ABHD2: variants seen among roughly 807,000 people sequenced by gnomAD.
ABHD2 encodes monoacylglycerol lipase ABHD2.
In ABHD2, 20 loss-of-function variants were observed where a neutral mutation model predicts 48.1. The ratio of observed to expected loss-of-function variants is 0.42; its 90% CI spans 0.29 to 0.60. ABHD2 has a LOEUF of 0.60. Among genes scored for constraint, ABHD2 ranks in the 20% least tolerant of loss-of-function variants. The pLI is 0.24. For missense variants in ABHD2, 405 were observed against 550.9 expected (o/e 0.74, Z 2.65); for synonymous variants, 209 against 214.2 (o/e 0.98, Z 0.21).
intron 1 of ABHD2, among the ~76,000 whole-genome samples, chr15:89,099,010 C>T (rs1439217351): frequency 6.6e-6 from 1 of 152,208 alleles, no homozygotes; most frequent in East Asian, 1.9e-4. Context: ...CCTTGCTTCT[C>T]TGTATTCCTA....
chr15:89,071,898 C>T, the ABHD2 span, among the ~76,000 whole-genome samples: 4 of 152,184 alleles, frequency 2.6e-5, no homozygotes, highest in African/African-American at 9.7e-5. Flanking sequence ...GGAAGTGGTG[C>T]ATGCCACTTT....
At chr15:89,075,908 A>G in the ABHD2 span, among the ~76,000 whole-genome samples, 6 of 152,234 alleles carry the variant, frequency 3.9e-5, no homozygotes, top group African/African-American at 1.4e-4. The surrounding 1 kb of genome is among the most constrained non-coding windows in gnomAD (Gnocchi z 4.1). Context: ...AGCTACCAAG[A>G]TGTCAAGTAA....
chr15:89,042,312 A>G, the ABHD2 span, among the ~76,000 whole-genome samples: 1 of 152,288 alleles, frequency 6.6e-6, no homozygotes, highest in South Asian at 2.1e-4. Flanking sequence ...CCATAACACT[A>G]TAGTCTTGCT....
intron 3 of ABHD2, among the ~76,000 whole-genome samples, chr15:89,139,756 T>G (rs1319522339): frequency 6.6e-6 from 1 of 152,152 alleles, no homozygotes; most frequent in East Asian, 1.9e-4. Context: ...AAAATTTGCT[T>G]TTCTTCCCTT....
intron 3 of ABHD2, among the ~76,000 whole-genome samples, chr15:89,128,091 A>G (rs1050392726): frequency 6.6e-6 from 1 of 152,180 alleles, no homozygotes; most frequent in African/African-American, 2.4e-5. Flanking sequence ...CTTCTTGTAG[A>G]GTCAGTACAC....
At chr15:89,105,592 G>A (rs930923196) in intron 1 of ABHD2, among the ~76,000 whole-genome samples, 3 of 152,248 alleles carry the variant, frequency 2.0e-5, no homozygotes, top group Non-Finnish European at 4.4e-5. Context: ...AATCCCTCCA[G>A]TTCTCTTCTA....
At position 89,195,645 on chromosome 15, in the gene ABHD2, C is replaced by T. The variant is rs1212581647; in HGVS notation, c.*222C>T. On this transcript the variant is annotated 3_prime_UTR_variant, in exon 11 of 11. Coordinates refer to ENST00000352732, the MANE Select transcript of ABHD2 (RefSeq NM_152924.5). The surrounding 1 kb of genome is among the most constrained non-coding windows in gnomAD (Gnocchi z 5.1). ...TGGTTTTCTCCATTGCATTGTTAGG[C>T]ATGGTGACAAGTGACAGAGTTCTTG... 4.1e-6 allele frequency: 2 copies of T among 489,406 alleles called. No individual in the cohort carries two copies. The highest frequency in any genetic ancestry group is 7.2e-6 in the Non-Finnish European group (2 of 277,632). The allele number at this position is 489,406 out of a possible 1,614,324, so 30.3% of individuals were successfully genotyped here.
intron 3 of ABHD2, among the ~76,000 whole-genome samples, chr15:89,127,893 T>C (rs575292874): frequency 6.6e-6 from 1 of 152,126 alleles, no homozygotes; most frequent in East Asian, 1.9e-4. Context: ...CCTCAGGCCT[T>C]CTCAAATCGT....
rs1442703588 is a variant in ABHD2 at position 89,092,777 on chromosome 15, A to C, written c.-107+4214A>C. ...TTTGGAACCTTGCCTTTTTCACTTA[A>C]TATTTCTTGGCAGTGTGAAAAGAGC... is the stretch of plus-strand genomic sequence containing the variant. On this transcript the variant is annotated intron_variant, in intron 1 of 10. Transcript: ENST00000352732. The surrounding 1 kb of genome is among the most constrained non-coding windows in gnomAD (Gnocchi z 4.4). 6.6e-6 allele frequency among the ~76,000 whole-genome samples: 1 copy of C among 152,198 alleles called. No homozygotes were observed. Among genetic ancestry groups the C allele is most frequent in the Non-Finnish European group, 1.5e-5 (1 of 68,034 alleles).
chr15:89,098,622 A>G (rs2049652048), intron 1 of ABHD2, among the ~76,000 whole-genome samples: 1 of 152,224 alleles, frequency 6.6e-6, no homozygotes, highest in African/African-American at 2.4e-5. Context: ...TCATGTAAAT[A>G]AAGTGCTTGC....
At chr15:89,152,471 T>A (rs540245505) in intron 4 of ABHD2, among the ~76,000 whole-genome samples, 1 of 152,324 alleles carries the variant, frequency 6.6e-6, no homozygotes, top group East Asian at 1.9e-4. Context: ...GGACCAGGCC[T>A]CTGGGTTGAT....
the ABHD2 span, among the ~76,000 whole-genome samples, chr15:89,060,774 C>T: frequency 6.6e-6 from 1 of 152,160 alleles, no homozygotes; most frequent in African/African-American, 2.4e-5. Context: ...TCCATCATCT[C>T]ACTACCCAGA....
At position 89,092,417 on chromosome 15, in the gene ABHD2, AGTTTG is replaced by A. The variant is rs1194169119; in HGVS notation, c.-107+3860_-107+3864del. Among the ~76,000 whole-genome samples, 1 of 152,350 alleles carries A rather than the reference AGTTTG, an allele frequency of 6.6e-6. No homozygotes were observed. The highest frequency in any genetic ancestry group is 1.9e-4 in the East Asian group (1 of 5,192). ...ACACAGTTGACAAGATTAACAAATT[AGTTTG>A]GTTTGTTGCTTAAAAACTATTTTGT... On this transcript the variant is annotated intron_variant, in intron 1 of 10. Transcript: ENST00000352732. This position sits in a 1 kb window ranked among gnomAD's most constrained non-coding sequence, Gnocchi z 4.4.
Position 89,114,974 on chromosome 15 carries a change from C to T in ABHD2, c.-7+1150C>T, listed in dbSNP as rs905582372. ...TTCATTACTGAATTAGGAATCCCTG[C>T]CAGAGATTTTCTGCCAAAGTGACCT... On this transcript the variant is annotated intron_variant, in intron 2 of 10. Coordinates refer to ENST00000352732, the MANE Select transcript of ABHD2 (RefSeq NM_152924.5). This position sits in a 1 kb window ranked among gnomAD's most constrained non-coding sequence, Gnocchi z 4.2. Among the ~76,000 whole-genome samples, 1 of 152,192 alleles carries T rather than the reference C, an allele frequency of 6.6e-6. No homozygotes were observed. Among genetic ancestry groups the T allele is most frequent in the African/African-American group, 2.4e-5 (1 of 41,446 alleles).
chr15:89,089,592 A>T (rs1302701206), intron 1 of ABHD2, among the ~76,000 whole-genome samples: 2 of 152,170 alleles, frequency 1.3e-5, no homozygotes, highest in Non-Finnish European at 2.9e-5. Context: ...CCAAATCCAA[A>T]GGCATGTTCC....
the ABHD2 span, among the ~76,000 whole-genome samples, chr15:89,064,191 T>A: frequency 6.6e-6 from 1 of 151,564 alleles, no homozygotes; most frequent in East Asian, 1.9e-4. Context: ...TTCCTTTCTT[T>A]GTATGTATTT....
intron 1 of ABHD2, among the ~76,000 whole-genome samples, chr15:89,090,018 G>A (rs758181288): frequency 1.3e-5 from 2 of 152,090 alleles, no homozygotes; most frequent in Non-Finnish European, 2.9e-5. Flanking sequence ...GTGGTCACAG[G>A]GCTGGTTGGT....
rs1035532715 is a variant in ABHD2 at position 89,179,076 on chromosome 15, A to G, written c.722+3081A>G. On this transcript the variant is annotated intron_variant, in intron 6 of 10. Coordinates refer to ENST00000352732, the MANE Select transcript of ABHD2 (RefSeq NM_152924.5). This position sits in a 1 kb window ranked among gnomAD's most constrained non-coding sequence, Gnocchi z 4.3. ...TACAAAGCCACAAAGCAACAAATAC[A>G]TGTTACTAAGATATTACACATTTAG... Among the ~76,000 whole-genome samples, 4 of 152,240 alleles carry G rather than the reference A, an allele frequency of 2.6e-5. No homozygotes were observed. The highest frequency in any genetic ancestry group is 5.9e-5 in the Non-Finnish European group (4 of 68,040).
At position 89,196,625 on chromosome 15, in the gene ABHD2, G is replaced by A. The variant is rs1019793597; in HGVS notation, c.*1202G>A. ...ATGTTTTGAGTTGTTTTTTTTTTAA[G>A]CACTCACTTGTAATTTTAGTTTTTA... On this transcript the variant is annotated 3_prime_UTR_variant, in exon 11 of 11. Coordinates refer to ENST00000352732, the MANE Select transcript of ABHD2 (RefSeq NM_152924.5). The A allele has an allele frequency of 1.3e-5, 2 of 151,474 alleles. No homozygotes were observed. Among genetic ancestry groups the A allele is most frequent in the African/African-American group, 4.8e-5 (2 of 41,302 alleles). 9.4% of individuals were successfully genotyped at this position (151,474 alleles called of 1,614,324 possible).
Sources: allele counts gnomAD v4.1 joint callset (sites outside exome capture counted in the v4.1 genomes callset), GRCh38; gene constraint gnomAD v4.1.1; non-coding constraint Gnocchi (gnomAD v3.1); transcripts MANE v1.5; gene names NCBI Gene and HGNC (gene_info 2026-07-23, HGNC 2026-07-21).